The following SHROOM3 variants were observed in gnomAD, a reference collection of about 807,000 sequenced individuals.
The protein encoded by SHROOM3 is protein Shroom3.
A neutral mutation model predicts 138.6 loss-of-function variants in SHROOM3; 47 were observed. The observed-to-expected ratio is 0.34, with a 90% CI of 0.27 to 0.43. SHROOM3 has a LOEUF of 0.43. SHROOM3 is among the 20% of genes least tolerant of loss of function. The pLI is 1.00. For missense variants in SHROOM3, 2,491 were observed against 2,596.5 expected, an observed-to-expected ratio of 0.96 and a Z score of 0.88; for synonymous variants, 1,062 against 1,063.3, an observed-to-expected ratio of 1.00 and a Z score of 0.02.
At chr4:76,661,036 A>T (rs892461095) in intron 2 of SHROOM3, among the ~76,000 whole-genome samples, 3 of 151,824 alleles carry the variant, frequency 2.0e-5, no homozygotes, top group East Asian at 3.9e-4. Context: ...GCCTCAAGTG[A>T]TCCTCCTGCC....
At chr4:76,668,976 G>T (rs1718800809) in intron 2 of SHROOM3, among the ~76,000 whole-genome samples, 1 of 152,092 alleles carries the variant, frequency 6.6e-6, no homozygotes, top group Non-Finnish European at 1.5e-5. Context: ...TGGCATATGT[G>T]CACAAGCATA....
chr4:76,662,423 A>G (rs960210537), intron 2 of SHROOM3, among the ~76,000 whole-genome samples: 4 of 152,072 alleles, frequency 2.6e-5, no homozygotes, highest in African/African-American at 7.2e-5. Context: ...CGTGCTTTGA[A>G]TCTCTCTGCC....
chr4:76,742,519 C>G (rs556818546), intron 5 of SHROOM3, among the ~76,000 whole-genome samples: 87 of 152,170 alleles, frequency 5.7e-4, no homozygotes, highest in African/African-American at 2.0e-3. Flanking sequence ...CTCTCGGACT[C>G]CCACCTCAGC....
At chr4:76,747,270 T>G (rs1373985086) in intron 5 of SHROOM3, among the ~76,000 whole-genome samples, 1 of 152,200 alleles carries the variant, frequency 6.6e-6, no homozygotes, top group Non-Finnish European at 1.5e-5. Context: ...GTAATTGCCA[T>G]AATAAGCACT....
chr4:76,516,788 C>T (rs1278966701), intron 1 of SHROOM3, among the ~76,000 whole-genome samples: 1 of 152,094 alleles, frequency 6.6e-6, no homozygotes, highest in African/African-American at 2.4e-5. Context: ...ATTATAGCTG[C>T]TACCTCCAAT....
chr4:76,485,239 T>C (rs985950340), intron 1 of SHROOM3, among the ~76,000 whole-genome samples: 17 of 152,288 alleles, frequency 1.1e-4, no homozygotes, highest in African/African-American at 3.8e-4. Flanking sequence ...GGGTACTTTT[T>C]TCATGTGAAA....
chr4:76,641,520 G>A (rs1416542444), intron 2 of SHROOM3, among the ~76,000 whole-genome samples: 1 of 152,198 alleles, frequency 6.6e-6, no homozygotes, highest in African/African-American at 2.4e-5. Context: ...TCAGGAAGAA[G>A]GGCACACCCT....
intron 4 of SHROOM3, among the ~76,000 whole-genome samples, chr4:76,731,236 A>C (rs1426319548): frequency 6.6e-6 from 1 of 152,136 alleles, no homozygotes; most frequent in Non-Finnish European, 1.5e-5. Context: ...ATATTAGAAA[A>C]ATTGAGATTT....
At chr4:76,645,036 A>G (rs1735782614) in intron 2 of SHROOM3, among the ~76,000 whole-genome samples, 1 of 152,232 alleles carries the variant, frequency 6.6e-6, no homozygotes, top group Non-Finnish European at 1.5e-5. Context: ...GCTCAAGGTC[A>G]TACAGTTAGA....
chr4:76,695,023 A>G (rs1176828700), intron 2 of SHROOM3, among the ~76,000 whole-genome samples: 2 of 152,222 alleles, frequency 1.3e-5, no homozygotes, highest in East Asian at 3.8e-4. Context: ...CCTTTTAGAT[A>G]TGATTGTTTT....
Position 76,770,806 on chromosome 4 carries a change from G to T in SHROOM3, c.5530G>T (p.Val1844Leu). Residue 1844 changes from valine (V) to leucine (L), a missense_variant, in exon 10 of 11, where the codon GTG becomes TTG. By Grantham distance (32) the Val-to-Leu change is conservative. This residue lies in a region of SHROOM3 where 470 missense variants were observed against 595.0 expected (regional missense o/e 0.79). Transcript: ENST00000296043. ...YRMFIGDLDK[V>L]VNLLLSLSGR... ...GATGTTCATAGGGGATTTGGACAAG[G>T]TGGTCAACCTGCTGCTCTCCCTCTC... 6.2e-7 allele frequency: 1 copy of T among 1,614,214 alleles called. No homozygotes were observed. The highest frequency in any genetic ancestry group is 8.5e-7 in the Non-Finnish European group (1 of 1,180,038).
intron 2 of SHROOM3, among the ~76,000 whole-genome samples, chr4:76,603,415 C>T (rs1197494013): frequency 6.6e-6 from 1 of 151,058 alleles, no homozygotes; most frequent in Non-Finnish European, 1.5e-5. Context: ...GAGACTCTGT[C>T]TCAAAACAAA....
At chr4:76,745,380 A>G (rs1210063277) in intron 5 of SHROOM3, among the ~76,000 whole-genome samples, 7 of 152,192 alleles carry the variant, frequency 4.6e-5, no homozygotes, top group Admixed American at 2.6e-4. Flanking sequence ...TGAGTTAGAG[A>G]CTTCTCTGGT....
intron 2 of SHROOM3, among the ~76,000 whole-genome samples, chr4:76,606,830 G>C (rs1002622685): frequency 5.9e-5 from 9 of 152,136 alleles, no homozygotes; most frequent in Admixed American, 3.3e-4. Context: ...ACATAGTATT[G>C]TACTGGGTAG....
intron 5 of SHROOM3, among the ~76,000 whole-genome samples, chr4:76,747,326 TA>T (rs1449633776): frequency 6.6e-6 from 1 of 152,160 alleles, no homozygotes; most frequent in East Asian, 1.9e-4. Context: ...TGACAGTGAA[TA>T]TATGCTCAAA....
chr4:76,565,160 C>CAAAAAA (rs1166896258), intron 2 of SHROOM3, among the ~76,000 whole-genome samples: 5 of 135,946 alleles, frequency 3.7e-5, no homozygotes, highest in African/African-American at 1.4e-4. Context: ...GACTCCATTT[C>CAAAAAA]AAAAAAAAAA....
rs879520879 is a variant in SHROOM3, at chr4:76,780,484, G to A, written c.*1307G>A. On this transcript the variant is annotated 3_prime_UTR_variant, in exon 11 of 11. Transcript: ENST00000296043. The stretch of plus-strand genomic sequence containing the variant: ...GCCACCTTTGTTGATTTGGGCTTAC[G>A]AGTTTCATAGTAGCCAGTCTTAGAA... The A allele has an allele frequency of 4.6e-5, 7 of 150,766 alleles. No individual in the cohort carries two copies. The highest frequency in any genetic ancestry group is 5.9e-5 in the Non-Finnish European group (4 of 67,882). 9.3% of individuals were successfully genotyped at this position (150,766 alleles called of 1,614,324 possible).
intron 4 of SHROOM3, among the ~76,000 whole-genome samples, chr4:76,734,513 C>CTT (rs35737209): frequency 0.012 from 1,620 of 137,680 alleles, 33 homozygotes; most frequent in African/African-American, 0.038. Context: ...TTTAAAAATA[C>CTT]TTTTTTTTTT....
At chr4:76,769,241 C>T (rs947663716) in intron 9 of SHROOM3, among the ~76,000 whole-genome samples, 5 of 147,752 alleles carry the variant, frequency 3.4e-5, no homozygotes, top group East Asian at 3.9e-4. Flanking sequence ...TGTCTATATG[C>T]GTGTGTGTGT....
Sources: gnomAD v4.1 joint callset for allele counts (sites outside exome capture counted in the v4.1 genomes callset) on GRCh38, gnomAD v4.1.1 for gene constraint, gnomAD v4.1.1 regional missense constraint, MANE v1.5 for transcripts, NCBI Gene and HGNC (gene_info 2026-07-23, HGNC 2026-07-21) for gene names.